Variants in MEIKIN observed in about 807,000 individuals in gnomAD.
The protein encoded by MEIKIN is meiosis-specific kinetochore protein.
rs1043945150 is a variant in MEIKIN at position 131,859,868 on chromosome 5, C to T, written c.775-5034G>A. ...GTTGAAGATCAGTTGGCTGTAAATA[C>T]GTGGATTCATTCCTGGGTTCTCTAT... On this transcript the variant is annotated intron_variant, in intron 9 of 12. Transcript: ENST00000442687. Among the ~76,000 whole-genome samples, 12 of 152,018 alleles carry T rather than the reference C, an allele frequency of 7.9e-5. No homozygotes were observed. In the South Asian group the frequency reaches 8.3e-4, roughly 11 times the overall value.
At chr5:131,855,960 T>C (rs749168290) in intron 9 of MEIKIN, among the ~76,000 whole-genome samples, 34 of 152,226 alleles carry the variant, frequency 2.2e-4, no homozygotes, top group Non-Finnish European at 4.4e-4. Context: ...CATATCCTTC[T>C]GATAAATGTT....
intron 9 of MEIKIN, among the ~76,000 whole-genome samples, chr5:131,865,617 A>G (rs951793845): frequency 2.6e-5 from 4 of 152,146 alleles, no homozygotes; most frequent in Non-Finnish European, 4.4e-5. Context: ...GTGTCCTTAC[A>G]TTGATATCTG....
At chr5:131,857,780 G>A (rs973634473) in intron 9 of MEIKIN, among the ~76,000 whole-genome samples, 1 of 152,186 alleles carries the variant, frequency 6.6e-6, no homozygotes, top group Non-Finnish European at 1.5e-5. Context: ...AAGCGCAGGT[G>A]ACCATACTTC....
intron 3 of MEIKIN, among the ~76,000 whole-genome samples, chr5:131,943,115 TTA>T (rs1422463751): frequency 7.2e-5 from 11 of 152,086 alleles, no homozygotes; most frequent in African/African-American, 2.7e-4. Context: ...GAAATATTGG[TTA>T]TATATGTATG....
Position 131,811,666 on chromosome 5 carries a change from G to A in MEIKIN, c.1100-4408C>T, listed in dbSNP as rs188339435. Among the ~76,000 whole-genome samples, 733 of 151,980 alleles carry A rather than the reference G, an allele frequency of 4.8e-3. 2 individuals carry two copies. Among genetic ancestry groups the A allele is most frequent in the Non-Finnish European group, 6.6e-3 (452 of 67,978 alleles). On this transcript the variant is annotated intron_variant, in intron 12 of 12. Coordinates refer to ENST00000442687, the MANE Select transcript of MEIKIN (RefSeq NM_001303622.2). ...CTCTCGCCCAGGCTGGAGTGCAGTGGCACGATCTCGGCTCACTGCCAGCTC... is the reference window on the plus strand; with the variant it reads ...CTCTCGCCCAGGCTGGAGTGCAGTGACACGATCTCGGCTCACTGCCAGCTC...
intron 12 of MEIKIN, among the ~76,000 whole-genome samples, chr5:131,817,340 G>A (rs943073039): frequency 1.3e-5 from 2 of 152,094 alleles, no homozygotes; most frequent in Admixed American, 6.6e-5. Context: ...GGCCGGGCAC[G>A]GTGGCTCACG....
intron 4 of MEIKIN, among the ~76,000 whole-genome samples, chr5:131,938,533 C>G (rs934473925): frequency 1.2e-4 from 18 of 152,198 alleles, no homozygotes; most frequent in African/African-American, 4.1e-4. Context: ...TGTGTCACCA[C>G]TGATGCTATT....
In MEIKIN at chr5:131,898,950, C is replaced by A. The variant is rs900891220; in HGVS notation, c.703+12865G>T. ...GGCTGTACCCACTGTCCAAGCAGTC[C>A]CAATGAGATGAACCAGGTACTTCAG... On this transcript the variant is annotated intron_variant, in intron 8 of 12. Transcript: ENST00000442687. Among the ~76,000 whole-genome samples, 3 of 152,276 alleles carry A rather than the reference C, an allele frequency of 2.0e-5. No individual in the cohort carries two copies. In the East Asian group the frequency reaches 5.8e-4, roughly 29 times the overall value.
At chr5:131,931,933 G>A (rs1382071596) in intron 5 of MEIKIN, among the ~76,000 whole-genome samples, 1 of 152,190 alleles carries the variant, frequency 6.6e-6, no homozygotes, top group African/African-American at 2.4e-5. Context: ...GTCCTAAAAG[G>A]CTAAGTGGTA....
Position 131,909,956 on chromosome 5 carries a change from G to C in MEIKIN, c.703+1859C>G, listed in dbSNP as rs142331370. ...AGGATGTGGAGAAAAGGGAACCCTC[G>C]TATACTGTTGGTGGGAATGTACATT... is the stretch of plus-strand genomic sequence containing the variant. On this transcript the variant is annotated intron_variant, in intron 8 of 12. Transcript: ENST00000442687. Among the ~76,000 whole-genome samples the C allele has an allele frequency of 4.7e-3, 718 of 152,164 alleles. 8 individuals are homozygous for C. Among genetic ancestry groups the C allele is most frequent in the African/African-American group, 0.016 (680 of 41,534 alleles).
intron 8 of MEIKIN, among the ~76,000 whole-genome samples, chr5:131,894,619 C>G (rs552117796): frequency 6.6e-6 from 1 of 152,234 alleles, no homozygotes; most frequent in Non-Finnish European, 1.5e-5. Flanking sequence ...ATTTGCATCC[C>G]TTGTAAGTTG....
chr5:131,864,844 A>G (rs549782420), intron 9 of MEIKIN, among the ~76,000 whole-genome samples: 134 of 152,302 alleles, frequency 8.8e-4, no homozygotes, highest in African/African-American at 2.9e-3. Context: ...CTTCAGGGAT[A>G]TCAACACTTT....
At chr5:131,850,312 T>C (rs1373367096) in intron 11 of MEIKIN, among the ~76,000 whole-genome samples, 1 of 152,196 alleles carries the variant, frequency 6.6e-6, no homozygotes, top group African/African-American at 2.4e-5. Context: ...ATGATGTTTA[T>C]TGCAGAAACA....
intron 9 of MEIKIN, among the ~76,000 whole-genome samples, chr5:131,869,044 GT>G (rs1356754485): frequency 6.6e-6 from 1 of 152,138 alleles, no homozygotes; most frequent in Admixed American, 6.5e-5. Context: ...TATCTAAAAA[GT>G]CATCACCATA....
intron 5 of MEIKIN, among the ~76,000 whole-genome samples, chr5:131,924,275 C>T (rs1380799724): frequency 6.6e-6 from 1 of 152,080 alleles, no homozygotes; most frequent in East Asian, 1.9e-4. Flanking sequence ...GTGAATAATG[C>T]TGCAATGAAT....
At chr5:131,870,616 T>G (rs1038106787) in intron 9 of MEIKIN, among the ~76,000 whole-genome samples, 11 of 152,220 alleles carry the variant, frequency 7.2e-5, no homozygotes, top group African/African-American at 2.7e-4. Flanking sequence ...CTGTCTTTCC[T>G]ATCACACTAA....
chr5:131,897,577 T>C lies in MEIKIN; in HGVS notation c.703+14238A>G, dbSNP rs187828993. 7.3e-3 allele frequency among the ~76,000 whole-genome samples: 1,108 copies of C among 152,234 alleles called. 7 individuals are homozygous for C. The highest frequency in any genetic ancestry group is 0.01 in the Non-Finnish European group (687 of 67,998). On this transcript the variant is annotated intron_variant, in intron 8 of 12. Transcript: ENST00000442687. ...TAGTCCCAGAAGCCTCTTGGAGGCTTGTTTGTTCCTTTTCATTCCTTTTCC... is the reference window on the plus strand; with the variant it reads ...TAGTCCCAGAAGCCTCTTGGAGGCTCGTTTGTTCCTTTTCATTCCTTTTCC...
intron 12 of MEIKIN, among the ~76,000 whole-genome samples, chr5:131,815,626 G>T (rs1773088048): frequency 6.6e-6 from 1 of 152,222 alleles, no homozygotes; most frequent in Non-Finnish European, 1.5e-5. Flanking sequence ...TGTTGACTGG[G>T]GCGACTGATC....
intron 7 of MEIKIN, among the ~76,000 whole-genome samples, chr5:131,914,383 CA>C (rs373552501): frequency 0.48 from 44,669 of 92,198 alleles, 9,955 homozygotes; most frequent in African/African-American, 0.74. Flanking sequence ...GACTCTGTCT[CA>C]AAAAAAAAAA....
Sources: allele counts gnomAD v4.1 joint callset (sites outside exome capture counted in the v4.1 genomes callset), GRCh38; gene constraint gnomAD v4.1.1; transcripts MANE v1.5; gene names NCBI Gene and HGNC (gene_info 2026-07-23, HGNC 2026-07-21).